ANO5: variants seen among roughly 807,000 people sequenced by gnomAD.
ANO5 encodes anoctamin 5, also known as anoctamin-5.
In ANO5, 109 loss-of-function variants were observed where a neutral mutation model predicts 121.0. That is an observed-to-expected ratio of 0.90 (90% confidence interval 0.77 to 1.06). The LOEUF is 1.06. Ranked by LOEUF, ANO5 falls within the 50% of genes least tolerant of loss-of-function variation. The probability of loss-of-function intolerance (pLI) is 0.00; values close to 1 mark genes in which losing one functional copy is unlikely to be tolerated. For synonymous variants in ANO5, 406 were observed against 359.9 expected (o/e 1.13, Z -1.45); for missense variants, 1,064 against 1,078.5 (o/e 0.99, Z 0.19).
At chr11:22,224,199 C>T (rs1450554740) in intron 5 of ANO5, among the ~76,000 whole-genome samples, 1 of 152,008 alleles carries the variant, frequency 6.6e-6, no homozygotes, top group Non-Finnish European at 1.5e-5. Flanking sequence ...TTATCTTACA[C>T]TGATGTATTT....
intron 7 of ANO5, among the ~76,000 whole-genome samples, chr11:22,233,430 C>T (rs116391425): frequency 0.011 from 1,656 of 151,074 alleles, 42 homozygotes; most frequent in African/African-American, 0.039. Context: ...TATTTATCAC[C>T]GTAAGCTTTC....
At chr11:22,223,079 C>A (rs1278841304) in intron 5 of ANO5, among the ~76,000 whole-genome samples, 1 of 151,976 alleles carries the variant, frequency 6.6e-6, no homozygotes, top group African/African-American at 2.4e-5. Flanking sequence ...TTACCATAGA[C>A]AAACTATTTA....
Position 22,274,741 on chromosome 11 carries a change from C to T in ANO5, c.2408C>T (p.Thr803Ile), listed in dbSNP as rs752230781. 3.7e-6 allele frequency: 6 copies of T among 1,613,100 alleles called. No homozygotes were observed. The highest frequency in any genetic ancestry group is 3.3e-5 in the Admixed American group (2 of 59,962). The change falls in exon 20 of 22, where the codon ACT becomes ATT. Residue 803 changes from threonine (T) to isoleucine (I), a missense_variant. Coordinates refer to ENST00000324559, the MANE Select transcript of ANO5 (RefSeq NM_213599.3). ...TAPSEKRDFI[T>I]CRYRDYRYPP... The stretch of plus-strand genomic sequence containing the variant: ...CCTTCGGAAAAACGAGACTTCATCA[C>T]TTGCAGGTGATTTGTTTGTTTGTTT...
chr11:22,270,288 A>ATTAAC (rs1323649226), intron 17 of ANO5, 24 bp from the exon 18 acceptor site: 1 of 1,613,752 alleles, frequency 6.2e-7, no homozygotes, highest in African/African-American at 1.3e-5. Flanking sequence ...TATTTCATAT[A>ATTAAC]TTAACTTTTA....
At chr11:22,227,074 TTCTG>T (rs1249439666) in intron 6 of ANO5, among the ~76,000 whole-genome samples, 6 of 152,202 alleles carry the variant, frequency 3.9e-5, no homozygotes, top group Admixed American at 1.3e-4. Context: ...ATGTCTCTCT[TTCTG>T]TCTTTCACAT....
chr11:22,263,192 T>C (rs1854254949), intron 17 of ANO5, 149 bp downstream of exon 17: 2 of 638,348 alleles, frequency 3.1e-6, no homozygotes, highest in South Asian at 2.0e-5. Context: ...ACAGTGAAGG[T>C]TGCATTAAAG....
At position 22,210,469 on chromosome 11, in the gene ANO5, T is replaced by C. The variant is rs555617634; in HGVS notation, c.88-795T>C. On this transcript the variant is annotated intron_variant, in intron 2 of 21. Coordinates refer to ENST00000324559, the MANE Select transcript of ANO5 (RefSeq NM_213599.3). The stretch of plus-strand genomic sequence containing the variant: ...TTATTTGGGCATAATGAGATACTGA[T>C]TGTGATTTTTCCAAGAACAAGGTAA... Among the ~76,000 whole-genome samples, 11 of 152,054 alleles carry C rather than the reference T, an allele frequency of 7.2e-5. 1 individual carries two copies. The highest frequency in any genetic ancestry group is 2.6e-4 in the African/African-American group (11 of 41,536).
intron 7 of ANO5, among the ~76,000 whole-genome samples, chr11:22,235,738 T>A (rs4271385): frequency 6.6e-6 from 1 of 151,830 alleles, no homozygotes; most frequent in African/African-American, 2.4e-5. Flanking sequence ...TCAGGTAAAA[T>A]CCCTTGTAAA....
At chr11:22,195,432 T>A (rs577497582) in intron 1 of ANO5, among the ~76,000 whole-genome samples, 4 of 152,104 alleles carry the variant, frequency 2.6e-5, no homozygotes, top group East Asian at 1.9e-4. Context: ...TATTTTTTTT[T>A]TTTTTTTATT....
At chr11:22,269,329 GAA>G (rs1336833169) in intron 17 of ANO5, among the ~76,000 whole-genome samples, 4 of 115,580 alleles carry the variant, frequency 3.5e-5, no homozygotes, top group African/African-American at 1.5e-4. Context: ...GAGAAAAAAA[GAA>G]AGAGAAGGAA....
chr11:22,273,086 G>A, intron 19 of ANO5, 97 bp downstream of exon 19: 1 of 1,281,540 alleles, frequency 7.8e-7, no homozygotes, highest in Non-Finnish European at 1.1e-6. Context: ...TTTCATTATG[G>A]TGATACTTTA....
In ANO5 at chr11:22,227,355, A is replaced by C; in HGVS notation, c.417A>C (p.Val139=). 1.9e-6 allele frequency: 3 copies of C among 1,613,372 alleles called. No homozygotes were observed. The highest frequency in any genetic ancestry group is 2.5e-6 in the Non-Finnish European group (3 of 1,179,690). The change falls in exon 7 of 22, where the codon GTA becomes GTC. Residue 139 remains valine, a synonymous_variant. Coordinates refer to ENST00000324559, the MANE Select transcript of ANO5 (RefSeq NM_213599.3). Reference sequence around the variant, plus strand: ...TCAAGATCCATGCCCCTTGGGAGGTATTAGTTACCTATGCTGAAGTCTTGG... The same window carrying C: ...TCAAGATCCATGCCCCTTGGGAGGTCTTAGTTACCTATGCTGAAGTCTTGG... The part of the protein sequence containing the change: ...YFVKIHAPWE[V]LVTYAEVLGI...
At chr11:22,264,311 C>T (rs1338742135) in intron 17 of ANO5, among the ~76,000 whole-genome samples, 1 of 151,976 alleles carries the variant, frequency 6.6e-6, no homozygotes, top group Non-Finnish European at 1.5e-5. Flanking sequence ...AGGCGTAAGC[C>T]ACCATGCCTG....
chr11:22,203,503 GT>G (rs912048837), intron 1 of ANO5, among the ~76,000 whole-genome samples: 1 of 152,094 alleles, frequency 6.6e-6, no homozygotes, highest in African/African-American at 2.4e-5. Flanking sequence ...ACTCTCAGTG[GT>G]TTTGTGGTTA....
chr11:22,261,782 G>A (rs1281058796), intron 15 of ANO5: 5 of 255,726 alleles, frequency 2.0e-5, no homozygotes, highest in South Asian at 5.3e-5. Flanking sequence ...CCCTTGGCAC[G>A]TGGGAATTAC....
chr11:22,233,934 C>G (rs181397019), intron 7 of ANO5, among the ~76,000 whole-genome samples: 15 of 152,096 alleles, frequency 9.9e-5, no homozygotes, highest in African/African-American at 3.6e-4. Context: ...CCACTTCCAC[C>G]GCTTGGTAGC....
intron 9 of ANO5, among the ~76,000 whole-genome samples, chr11:22,240,588 CTCTT>C (rs1853396621): frequency 6.6e-6 from 1 of 152,036 alleles, no homozygotes; most frequent in Admixed American, 6.6e-5. Flanking sequence ...ATCATGCAAA[CTCTT>C]TCTTGAATGG....
intron 2 of ANO5, 104 bp downstream of exon 2, chr11:22,203,954 A>G: frequency 1.4e-6 from 1 of 705,340 alleles, no homozygotes; most frequent in Non-Finnish European, 2.3e-6. Flanking sequence ...ACATTCTATT[A>G]TGCCCTCTAA....
chr11:22,266,531 T>G (rs1347321267), intron 17 of ANO5, among the ~76,000 whole-genome samples: 1 of 152,194 alleles, frequency 6.6e-6, no homozygotes, highest in Non-Finnish European at 1.5e-5. Flanking sequence ...ACAACATGAA[T>G]AAGTATTTTT....
Sources: allele counts gnomAD v4.1 joint callset (sites outside exome capture counted in the v4.1 genomes callset), GRCh38; gene constraint gnomAD v4.1.1; transcripts MANE v1.5; gene names NCBI Gene and HGNC (gene_info 2026-07-23, HGNC 2026-07-21).